Variants in DYNC1H1 observed in about 807,000 individuals in gnomAD.
DYNC1H1 encodes the protein dynein cytoplasmic 1 heavy chain 1, also known as cytoplasmic dynein 1 heavy chain 1.
DYNC1H1 carries 51 observed loss-of-function variants against 527.1 expected under a neutral mutation model. The observed-to-expected ratio is 0.10, with a 90% CI of 0.08 to 0.12. The LOEUF (loss-of-function observed/expected upper bound fraction) is 0.12. Among genes scored for constraint, DYNC1H1 ranks in the 10% least tolerant of loss-of-function variants. The probability of loss-of-function intolerance (pLI) is 1.00; values close to 1 mark genes in which losing one functional copy is unlikely to be tolerated. For synonymous variants in DYNC1H1, 2,189 were observed against 2,278.8 expected (o/e 0.96, Z 1.12); for missense variants, 2,771 against 5,971.8 (o/e 0.46, Z 17.66).
intron 9 of DYNC1H1, 129 bp downstream of exon 9, chr14:101,987,761 A>C: frequency 9.1e-7 from 1 of 1,096,622 alleles, no homozygotes; most frequent in Non-Finnish European, 1.3e-6. Context: ...CCCCTCCAAA[A>C]TCTCATTTAA....
At chr14:102,023,465 T>C (rs1336653950) in intron 43 of DYNC1H1, 1 of 191,502 alleles carries the variant, frequency 5.2e-6, no homozygotes, top group African/African-American at 2.4e-5. Flanking sequence ...AGGAGAATCT[T>C]TGGAACCCGG....
chr14:102,003,458 C>T (rs979135958), intron 23 of DYNC1H1, among the ~76,000 whole-genome samples: 1 of 151,962 alleles, frequency 6.6e-6, no homozygotes, highest in Non-Finnish European at 1.5e-5. Flanking sequence ...GATGGGTTTT[C>T]GCCATGTTGG....
intron 5 of DYNC1H1, among the ~76,000 whole-genome samples, chr14:101,981,014 C>G (rs1268658411): frequency 1.3e-5 from 2 of 152,220 alleles, no homozygotes; most frequent in South Asian, 2.1e-4. Flanking sequence ...TTGTCTTCCT[C>G]CCTATTCTGA....
chr14:101,986,054 A>G lies in DYNC1H1; in HGVS notation c.1829A>G (p.Gln610Arg). ...CGCGAATACCAGACCCAGCTGATCC[A>G]GCGCGTGAAAGATGACATTGAGTCT... The part of the protein sequence containing the change: ...AIREYQTQLI[Q>R]RVKDDIESLH... The change falls in exon 8 of 78, where the codon CAG becomes CGG. Residue 610 changes from glutamine (Q) to arginine (R), a missense_variant. By Grantham distance (43) the Gln-to-Arg change is conservative. Transcript: ENST00000360184. This position sits in a 1 kb window ranked among gnomAD's most constrained non-coding sequence, Gnocchi z 8.7. 1 of 1,614,256 alleles carries G rather than the reference A, an allele frequency of 6.2e-7. No individual in the cohort carries two copies. The highest frequency in any genetic ancestry group is 8.5e-7 in the Non-Finnish European group (1 of 1,180,036).
At chr14:102,024,734 G>A (rs1313830963) in intron 43 of DYNC1H1, among the ~76,000 whole-genome samples, 36 of 122,722 alleles carry the variant, frequency 2.9e-4, no homozygotes, top group African/African-American at 8.5e-4. Context: ...TCGCTCTGTC[G>A]CCCAGGCTAG....
Position 102,042,832 on chromosome 14 carries a change from G to A in DYNC1H1, c.12513+84G>A, listed in dbSNP as rs2048668266. Reference sequence around the variant, plus strand: ...ACCAAATGCAGAAGTGGGTCCCTGGGCCCCCGGAAGTGCCGTGTGGTGAAC... The same window carrying A: ...ACCAAATGCAGAAGTGGGTCCCTGGACCCCCGGAAGTGCCGTGTGGTGAAC... On this transcript the variant is annotated intron_variant, in intron 69 of 77. Transcript: ENST00000360184. The surrounding 1 kb of genome is among the most constrained non-coding windows in gnomAD (Gnocchi z 5.7). 3 of 1,481,316 alleles carry A rather than the reference G, an allele frequency of 2.0e-6. No individual in the cohort carries two copies. The allele number at this position is 1,481,316 out of a possible 1,614,324, so 91.8% of individuals were successfully genotyped here.
chr14:102,011,182 GA>G lies in DYNC1H1; in HGVS notation c.6618+234del. 1.7e-6 allele frequency: 1 copy of G among 582,256 alleles called. No homozygotes were observed. Among genetic ancestry groups the G allele is most frequent in the Admixed American group, 2.7e-5 (1 of 36,404 alleles). The allele number at this position is 582,256 out of a possible 1,614,324, so 36.1% of individuals were successfully genotyped here. ...TTTTACATGATACAGTTCAATTTCT[GA>G]AAATGCTAAGTGCATGACTATATTG... On this transcript the variant is annotated intron_variant, in intron 32 of 77. Coordinates refer to ENST00000360184, the MANE Select transcript of DYNC1H1 (RefSeq NM_001376.5). This position sits in a 1 kb window ranked among gnomAD's most constrained non-coding sequence, Gnocchi z 5.3.
At chr14:102,043,036 C>CTT (rs2048671195) in intron 69 of DYNC1H1, 1 of 421,242 alleles carries the variant, frequency 2.4e-6, no homozygotes, top group Non-Finnish European at 4.5e-6. Context: ...AATCCCTGCA[C>CTT]TTTGGGAGGC....
Position 102,047,903 on chromosome 14 carries a change from A to T in DYNC1H1, c.13093A>T (p.Arg4365Trp). 6.2e-7 allele frequency: 1 copy of T among 1,613,796 alleles called. No individual in the cohort carries two copies. Among genetic ancestry groups the T allele is most frequent in the Non-Finnish European group, 8.5e-7 (1 of 1,180,030 alleles). The change falls in exon 73 of 78, where the codon AGG becomes TGG. Residue 4365 changes from arginine (R) to tryptophan (W), a missense_variant. Arg to Trp is a moderately radical substitution (Grantham distance 101). Transcript: ENST00000360184. Reference sequence around the variant, plus strand: ...CTACGCAGAGACTGAGAAGAAGACGAGGACAGACTCCACGTCCGACGGGCG... The same window carrying T: ...CTACGCAGAGACTGAGAAGAAGACGTGGACAGACTCCACGTCCGACGGGCG... Reference protein sequence around the residue: ...LAYAETEKKTRTDSTSDGRPA... With the variant: ...LAYAETEKKTWTDSTSDGRPA...
Position 101,965,998 on chromosome 14 carries a change from C to G in DYNC1H1, c.256+1051C>G, listed in dbSNP as rs931281500. On this transcript the variant is annotated intron_variant, in intron 1 of 77. Transcript: ENST00000360184. This position sits in a 1 kb window ranked among gnomAD's most constrained non-coding sequence, Gnocchi z 4.1. ...ATTACAACCACTTTGTAGCCCATTA[C>G]AACCACTTTGGGTGTGGCGTGTCCA... Among the ~76,000 whole-genome samples the G allele has an allele frequency of 6.6e-6, 1 of 152,138 alleles. No individual in the cohort carries two copies. Among genetic ancestry groups the G allele is most frequent in the African/African-American group, 2.4e-5 (1 of 41,432 alleles).
chr14:102,047,641 G>GTGTGTGTGTATATATA, intron 72 of DYNC1H1, 176 bp from the exon 73 acceptor site: 5 of 316,752 alleles, frequency 1.6e-5, no homozygotes, highest in African/African-American at 7.8e-5. Flanking sequence ...GTGTGTGTGT[G>GTGTGTGTGTATATATA]TATATATATA....
At chr14:102,047,635 G>GTATATATATA (rs1434959122) in intron 72 of DYNC1H1, 182 bp from the exon 73 acceptor site, 7 of 400,752 alleles carry the variant, frequency 1.7e-5, no homozygotes, top group African/African-American at 1.2e-4. Flanking sequence ...GTGTGTGTGT[G>GTATATATATA]TGTGTGTATA....
chr14:101,994,853 A>G lies in DYNC1H1; in HGVS notation c.3333+4A>G, dbSNP rs2048039874. Reference sequence around the variant, plus strand: ...AGTAGTTATAGATTATGGCAAGGTGAGCCCTGCTGTCTGGTTGAAAGGTGT... The same window carrying G: ...AGTAGTTATAGATTATGGCAAGGTGGGCCCTGCTGTCTGGTTGAAAGGTGT... On this transcript the variant is annotated splice_donor_region_variant and intron_variant, in intron 13 of 77. Coordinates refer to ENST00000360184, the MANE Select transcript of DYNC1H1 (RefSeq NM_001376.5). 1 of 1,614,120 alleles carries G rather than the reference A, an allele frequency of 6.2e-7. No individual in the cohort carries two copies. Among genetic ancestry groups the G allele is most frequent in the Non-Finnish European group, 8.5e-7 (1 of 1,180,052 alleles).
In DYNC1H1 at chr14:102,010,635, G is replaced by T; in HGVS notation, c.6406-105G>T. On this transcript the variant is annotated intron_variant, in intron 31 of 77. Transcript: ENST00000360184. This position sits in a 1 kb window ranked among gnomAD's most constrained non-coding sequence, Gnocchi z 6.0. ...GCACGAATGTGGGCGAGTGGTGCTC[G>T]CACCCTTTGTTCACCAACAGTTACT... 2 of 1,529,520 alleles carry T rather than the reference G, an allele frequency of 1.3e-6. No homozygotes were observed. The highest frequency in any genetic ancestry group is 3.6e-5 in the Admixed American group (2 of 55,946). The allele number at this position is 1,529,520 out of a possible 1,614,324, so 94.7% of individuals were successfully genotyped here.
At position 101,987,477 on chromosome 14, in the gene DYNC1H1, G is replaced by A. The variant is rs1345600865; in HGVS notation, c.2563G>A (p.Glu855Lys). 1 of 1,613,984 alleles carries A rather than the reference G, an allele frequency of 6.2e-7. No individual in the cohort carries two copies. The highest frequency in any genetic ancestry group is 8.5e-7 in the Non-Finnish European group (1 of 1,180,020). Residue 855 changes from glutamate (E) to lysine (K), a missense_variant, in exon 9 of 78, where the codon GAA (glutamate) becomes AAA (lysine). Around this residue, in one of 32 missense-constraint regions of DYNC1H1, gnomAD observed 179 missense variants for 349.4 expected, o/e 0.51. Coordinates refer to ENST00000360184, the MANE Select transcript of DYNC1H1 (RefSeq NM_001376.5). Reference protein sequence around the residue: ...EKVDDLLIIEEKIDLEVRSLE... With the variant: ...EKVDDLLIIEKKIDLEVRSLE... ...GGTGGATGATCTGCTGATCATTGAA[G>A]AAAAAATAGACCTAGAAGTCCGTTC...
intron 27 of DYNC1H1, among the ~76,000 whole-genome samples, chr14:102,006,721 TCCC>T (rs1343453772): frequency 6.6e-6 from 1 of 152,042 alleles, no homozygotes; most frequent in African/African-American, 2.4e-5. Context: ...TGCCTCAGTC[TCCC>T]AAGTAGCTGG....
intron 5 of DYNC1H1, among the ~76,000 whole-genome samples, chr14:101,981,019 T>C (rs2047857366): frequency 6.6e-6 from 1 of 152,242 alleles, no homozygotes; most frequent in East Asian, 1.9e-4. Context: ...TTCCTCCCTA[T>C]TCTGACAAGT....
At chr14:102,003,464 G>T (rs1226950424) in intron 23 of DYNC1H1, among the ~76,000 whole-genome samples, 4 of 152,058 alleles carry the variant, frequency 2.6e-5, no homozygotes, top group Non-Finnish European at 5.9e-5. Flanking sequence ...TTTTCGCCAT[G>T]TTGGTCAGAC....
rs1452854357 is a variant in DYNC1H1 at position 102,056,210 on chromosome 14, TGTATG to T, written c.*5649_*5653del. 6.6e-6 allele frequency: 1 copy of T among 152,192 alleles called. No homozygotes were observed. Among genetic ancestry groups the T allele is most frequent in the African/African-American group, 2.4e-5 (1 of 41,442 alleles). The allele number at this position is 152,192 out of a possible 1,614,324, so 9.4% of individuals were successfully genotyped here. A position where few individuals can be genotyped will look rare whatever the true frequency, so the allele number is the denominator to read the frequency against. Reference sequence around the variant, plus strand: ...GATGTTACCCATAGATTTCAGGCATTGTATGGAAGAACATCGTGAGACTCCCTGCT... The same window carrying T: ...GATGTTACCCATAGATTTCAGGCATTGAAGAACATCGTGAGACTCCCTGCT... On this transcript the variant is annotated 3_prime_UTR_variant, in exon 78 of 78. Coordinates refer to ENST00000360184, the MANE Select transcript of DYNC1H1 (RefSeq NM_001376.5).
Sources: gnomAD v4.1 joint callset for allele counts (sites outside exome capture counted in the v4.1 genomes callset) on GRCh38, gnomAD v4.1.1 for gene constraint, gnomAD v4.1.1 regional missense constraint, Gnocchi (gnomAD v3.1) non-coding constraint, MANE v1.5 for transcripts, NCBI Gene and HGNC (gene_info 2026-07-23, HGNC 2026-07-21) for gene names.